Variants in MSANTD3 observed in about 807,000 individuals in gnomAD.
The protein encoded by MSANTD3 is Myb/SANT DNA binding domain containing 3, also known as myb/SANT-like DNA-binding domain-containing protein 3.
In MSANTD3, 11 loss-of-function variants were observed where a neutral mutation model predicts 27.7. That is an observed-to-expected ratio of 0.40 (90% CI 0.25 to 0.66). MSANTD3 has a LOEUF of 0.66. MSANTD3 is among the 30% of genes least tolerant of loss of function. MSANTD3 has a pLI of 0.41. For synonymous variants in MSANTD3, 131 were observed against 127.2 expected, an observed-to-expected ratio of 1.03 and a Z score of -0.20; for missense variants, 250 against 336.5, an observed-to-expected ratio of 0.74 and a Z score of 2.01.
intron 2 of MSANTD3, among the ~76,000 whole-genome samples, chr9:100,447,016 C>CT (rs1836770534): frequency 6.6e-6 from 1 of 152,048 alleles, no homozygotes; most frequent in African/African-American, 2.4e-5. Flanking sequence ...TCATAGTAGG[C>CT]TTTTCCTGCT....
At chr9:100,431,221 C>T (rs1209527492) in intron 1 of MSANTD3, among the ~76,000 whole-genome samples, 1 of 151,402 alleles carries the variant, frequency 6.6e-6, no homozygotes, top group Admixed American at 6.6e-5. Flanking sequence ...AGGCTGGTCT[C>T]GAACTCCCGA....
intron 2 of MSANTD3, among the ~76,000 whole-genome samples, chr9:100,446,981 C>A (rs1401745217): frequency 6.6e-6 from 1 of 152,128 alleles, no homozygotes; most frequent in Non-Finnish European, 1.5e-5. Flanking sequence ...GGCCTGTTTA[C>A]AGTTTCCTTC....
At chr9:100,427,539 G>A (rs1222551118) in intron 1 of MSANTD3, 146 bp downstream of exon 1, 1 of 151,718 alleles carries the variant, frequency 6.6e-6, no homozygotes, top group East Asian at 2.0e-4. Flanking sequence ...TGGGCGCCGG[G>A]CGGCCGCCTC....
chr9:100,437,952 T>A (rs1332463418), intron 1 of MSANTD3, among the ~76,000 whole-genome samples: 1 of 152,210 alleles, frequency 6.6e-6, no homozygotes, highest in African/African-American at 2.4e-5. Context: ...TTATCTGCTA[T>A]TATATTATTG....
intron 1 of MSANTD3, among the ~76,000 whole-genome samples, chr9:100,431,323 A>G (rs955421939): frequency 1.4e-5 from 2 of 140,464 alleles, no homozygotes; most frequent in African/African-American, 5.4e-5. Flanking sequence ...TTTTTTTTAA[A>G]GAGACAGCGT....
chr9:100,448,083 T>C (rs1219799904), intron 2 of MSANTD3: 3 of 353,734 alleles, frequency 8.5e-6, no homozygotes, highest in Non-Finnish European at 1.2e-5. Flanking sequence ...TCCCAGCTAG[T>C]TGGAGGCTGA....
At chr9:100,435,416 G>A (rs1836460183) in intron 1 of MSANTD3, among the ~76,000 whole-genome samples, 1 of 152,150 alleles carries the variant, frequency 6.6e-6, no homozygotes, top group Non-Finnish European at 1.5e-5. Flanking sequence ...GTGAAATCTT[G>A]ACAAGTTTCT....
chr9:100,433,316 G>A (rs192109122), intron 1 of MSANTD3, among the ~76,000 whole-genome samples: 37 of 152,290 alleles, frequency 2.4e-4, no homozygotes, highest in African/African-American at 8.7e-4. Flanking sequence ...AGCAGTGGTA[G>A]GGTTGGGCTT....
rs1001722384 is a variant in MSANTD3, at chr9:100,434,403, G to A, written c.-34+7010G>A. On this transcript the variant is annotated intron_variant, in intron 1 of 2. Coordinates refer to ENST00000395067, the MANE Select transcript of MSANTD3 (RefSeq NM_080655.3). The stretch of plus-strand genomic sequence containing the variant: ...AAATCAGCTGAGTGTGGTGATGGGT[G>A]CCTGTAATCCTAGCTACTTGGGAAG... Among the ~76,000 whole-genome samples, 3 of 152,250 alleles carry A rather than the reference G, an allele frequency of 2.0e-5. No homozygotes were observed. The South Asian group carries it at 6.2e-4, about 32-fold the overall frequency.
intron 1 of MSANTD3, among the ~76,000 whole-genome samples, chr9:100,433,963 G>T (rs571729403): frequency 8.5e-5 from 13 of 152,178 alleles, no homozygotes; most frequent in African/African-American, 3.1e-4. Context: ...CCCAGTTTTG[G>T]AGTATGTCCC....
At position 100,427,167 on chromosome 9, in the gene MSANTD3, G is replaced by A. The variant is rs1340661501; in HGVS notation, c.-260G>A. 2.0e-5 allele frequency: 3 copies of A among 147,388 alleles called. No homozygotes were observed. Among genetic ancestry groups the A allele is most frequent in the African/African-American group, 7.3e-5 (3 of 40,912 alleles). 9.1% of individuals were successfully genotyped at this position (147,388 alleles called of 1,614,324 possible). A position where few individuals can be genotyped will look rare whatever the true frequency, so the allele number is the denominator to read the frequency against. ...CCTCGGCGGCGCCGACGGACCGGCA[G>A]GCGGCGGGCGGTCCGCGAGGGGGCG... On this transcript the variant is annotated 5_prime_UTR_variant, in exon 1 of 3. Transcript: ENST00000395067.
intron 1 of MSANTD3, among the ~76,000 whole-genome samples, chr9:100,428,016 C>T (rs1836283834): frequency 6.6e-6 from 1 of 152,112 alleles, no homozygotes; most frequent in Non-Finnish European, 1.5e-5. Flanking sequence ...ATGATAACAG[C>T]TAAATTTTGA....
intron 1 of MSANTD3, among the ~76,000 whole-genome samples, chr9:100,433,961 T>G (rs1836423221): frequency 6.6e-6 from 1 of 152,160 alleles, no homozygotes. Context: ...CCCCCAGTTT[T>G]GGAGTATGTC....
In MSANTD3 at chr9:100,436,891, G is replaced by A. The variant is rs11793770; in HGVS notation, c.-33-5015G>A. Among the ~76,000 whole-genome samples the A allele has an allele frequency of 1.4e-4, 22 of 152,176 alleles. No individual in the cohort carries two copies. In the East Asian group the frequency reaches 2.1e-3, roughly 15 times the overall value. On this transcript the variant is annotated intron_variant, in intron 1 of 2. Coordinates refer to ENST00000395067, the MANE Select transcript of MSANTD3 (RefSeq NM_080655.3). ...TCGACTTTGGCTCACTGCAACCTCC[G>A]CCTCCCAGGTTCAAATGATTCTCCT...
intron 2 of MSANTD3, 45 bp downstream of exon 2, chr9:100,442,401 G>A: frequency 6.5e-7 from 1 of 1,532,304 alleles, no homozygotes. Context: ...CTGGGTATCT[G>A]TTTGACATTT....
intron 2 of MSANTD3, among the ~76,000 whole-genome samples, chr9:100,447,546 T>G (rs757452100): frequency 5.3e-5 from 8 of 152,128 alleles, no homozygotes; most frequent in Non-Finnish European, 8.8e-5. Context: ...AAGAGATGGT[T>G]TTTTAGTGGA....
At chr9:100,432,227 C>A (rs927985093) in intron 1 of MSANTD3, among the ~76,000 whole-genome samples, 2 of 152,026 alleles carry the variant, frequency 1.3e-5, no homozygotes, top group South Asian at 2.1e-4. Context: ...AAAGCAAGTT[C>A]GGTGCTAGGC....
intron 1 of MSANTD3, among the ~76,000 whole-genome samples, chr9:100,435,099 C>T (rs1304756041): frequency 2.0e-5 from 3 of 152,152 alleles, no homozygotes; most frequent in Non-Finnish European, 4.4e-5. Flanking sequence ...TCTTTATTCA[C>T]GTTGCAGGAC....
At chr9:100,435,702 G>C (rs1836465136) in intron 1 of MSANTD3, among the ~76,000 whole-genome samples, 1 of 152,106 alleles carries the variant, frequency 6.6e-6, no homozygotes, top group Non-Finnish European at 1.5e-5. Context: ...CCTCCTCTTT[G>C]TAAGCCATTG....
Sources: gnomAD v4.1 joint callset for allele counts (sites outside exome capture counted in the v4.1 genomes callset) on GRCh38, gnomAD v4.1.1 for gene constraint, MANE v1.5 for transcripts, NCBI Gene and HGNC (gene_info 2026-07-23, HGNC 2026-07-21) for gene names.